The following FIP1L1 variants were observed in gnomAD, a reference collection of about 807,000 sequenced individuals.
FIP1L1 encodes pre-mRNA 3'-end-processing factor FIP1.
In FIP1L1, 21 loss-of-function variants were observed where a neutral mutation model predicts 84.6. The observed-to-expected ratio is 0.25, with a 90% CI of 0.18 to 0.36. The LOEUF is 0.36. Ranked by LOEUF, FIP1L1 falls within the 10% of genes least tolerant of loss-of-function variation. The pLI is 1.00. For missense variants in FIP1L1, 526 were observed against 751.1 expected (o/e 0.70, Z 3.50); for synonymous variants, 263 against 242.3 (o/e 1.09, Z -0.80).
At chr4:53,415,100 C>T (rs1264809739) in intron 11 of FIP1L1, among the ~76,000 whole-genome samples, 1 of 152,038 alleles carries the variant, frequency 6.6e-6, no homozygotes, top group East Asian at 1.9e-4. Context: ...TATTTAGGAC[C>T]CGTAAAATTT....
intron 4 of FIP1L1, 126 bp downstream of exon 4, chr4:53,382,461 C>A: frequency 1.5e-6 from 1 of 672,244 alleles, no homozygotes; most frequent in Non-Finnish European, 2.6e-6. Context: ...CCCTTTCTTA[C>A]ATCTCCTACT....
At chr4:53,398,514 C>T (rs1253422442) in intron 9 of FIP1L1, among the ~76,000 whole-genome samples, 6 of 152,128 alleles carry the variant, frequency 3.9e-5, no homozygotes, top group African/African-American at 1.4e-4. Context: ...TCAAATATAT[C>T]AGTCAAAATG....
In FIP1L1 at chr4:53,382,295, G is replaced by A; in HGVS notation, c.188G>A (p.Gly63Glu). Residue 63 changes from glycine to glutamate, a missense_variant, in exon 4 of 18, where the codon GGA (glycine) becomes GAA (glutamate). By Grantham distance (98) the Gly-to-Glu change is moderately conservative (BLOSUM62 -2). Around this residue, in one of 6 missense-constraint regions of FIP1L1, gnomAD observed 100 missense variants for 107.2 expected, o/e 0.93. Transcript: ENST00000337488. ...GTTTGTAGTGCTAATCCTCCATCTG[G>A]AATTGAAGATGAAACTGCTGAAAAT... ...EENASANPPS[G>E]IEDETAENGV... The A allele has an allele frequency of 6.2e-7, 1 of 1,613,464 alleles. No homozygotes were observed. The highest frequency in any genetic ancestry group is 8.5e-7 in the Non-Finnish European group (1 of 1,179,496).
chr4:53,391,395 T>C, intron 8 of FIP1L1, 35 bp from the exon 9 acceptor site: 1 of 1,544,486 alleles, frequency 6.5e-7, no homozygotes, highest in South Asian at 1.1e-5. Flanking sequence ...AAATATTATG[T>C]GGTATCTTAA....
intron 13 of FIP1L1, among the ~76,000 whole-genome samples, chr4:53,428,994 A>G (rs1421894317): frequency 6.6e-5 from 10 of 152,224 alleles, no homozygotes. Flanking sequence ...TTTATACTAG[A>G]GAGCCATGTA....
intron 5 of FIP1L1, among the ~76,000 whole-genome samples, chr4:53,385,714 T>C (rs1459563358): frequency 6.6e-6 from 1 of 152,156 alleles, no homozygotes; most frequent in African/African-American, 2.4e-5. Context: ...GAATGCTCAT[T>C]TACCCATCAC....
intron 10 of FIP1L1, among the ~76,000 whole-genome samples, chr4:53,411,451 C>T (rs1449413180): frequency 2.0e-5 from 3 of 151,962 alleles, no homozygotes; most frequent in Admixed American, 6.6e-5. Context: ...GGATACTTTG[C>T]AGTCATTGTG....
Position 53,450,498 on chromosome 4 carries a change from C to T in FIP1L1, c.1286-2422C>T, listed in dbSNP as rs146113665. Among the ~76,000 whole-genome samples, 12 of 152,208 alleles carry T rather than the reference C, an allele frequency of 7.9e-5. No individual in the cohort carries two copies. In the East Asian group the frequency reaches 2.1e-3, roughly 27 times the overall value. ...TTATGGGCAGTATCCTATGTGATGT[C>T]CATTACATCAACCATGCTAAGAACA... On this transcript the variant is annotated intron_variant, in intron 15 of 17. Transcript: ENST00000337488.
At chr4:53,425,174 G>A (rs1174938929) in intron 11 of FIP1L1, among the ~76,000 whole-genome samples, 1 of 152,038 alleles carries the variant, frequency 6.6e-6, no homozygotes, top group African/African-American at 2.4e-5. Context: ...CTTTTGTAAA[G>A]TCCTTTATCT....
chr4:53,434,085 G>C (rs1004305907), intron 13 of FIP1L1, among the ~76,000 whole-genome samples: 26 of 151,904 alleles, frequency 1.7e-4, no homozygotes, highest in African/African-American at 6.3e-4. Context: ...AAAACTTTTT[G>C]GTTACGTCTT....
At chr4:53,382,482 C>A in intron 4 of FIP1L1, 147 bp downstream of exon 4, 2 of 609,720 alleles carry the variant, frequency 3.3e-6, no homozygotes, top group Non-Finnish European at 5.9e-6. Context: ...TCATCTGGTG[C>A]CATCAAAAAC....
intron 13 of FIP1L1, among the ~76,000 whole-genome samples, chr4:53,436,307 C>T (rs919391524): frequency 6.6e-6 from 1 of 152,178 alleles, no homozygotes; most frequent in African/African-American, 2.4e-5. Flanking sequence ...CAGTCTTCTC[C>T]AAAAGCCTGA....
At chr4:53,405,231 AGCC>A (rs1334341607) in intron 10 of FIP1L1, among the ~76,000 whole-genome samples, 4 of 152,078 alleles carry the variant, frequency 2.6e-5, no homozygotes, top group Non-Finnish European at 5.9e-5. Flanking sequence ...ACATATGGCT[AGCC>A]AGTTTTCCCA....
At chr4:53,438,882 G>A (rs757438677) in intron 13 of FIP1L1, among the ~76,000 whole-genome samples, 1 of 152,064 alleles carries the variant, frequency 6.6e-6, no homozygotes, top group Non-Finnish European at 1.5e-5. Flanking sequence ...GCTGTAGTAA[G>A]CCTTAGCTAA....
chr4:53,389,683 A>G (rs2149366507), intron 5 of FIP1L1, 126 bp from the exon 6 acceptor site: 1 of 691,766 alleles, frequency 1.4e-6, no homozygotes, highest in East Asian at 3.0e-5. Context: ...AGATAGAAAT[A>G]AAATGTGTGT....
chr4:53,378,962 C>A, intron 1 of FIP1L1, 111 bp from the exon 2 acceptor site: 4 of 1,025,784 alleles, frequency 3.9e-6, no homozygotes, highest in East Asian at 2.5e-5. Context: ...ATCTTCATTA[C>A]CTCTTAAATT....
chr4:53,401,764 T>C (rs1002075869), intron 10 of FIP1L1, among the ~76,000 whole-genome samples: 1 of 152,120 alleles, frequency 6.6e-6, no homozygotes, highest in Non-Finnish European at 1.5e-5. Flanking sequence ...AAGAGTTCAG[T>C]GTAGAATATA....
chr4:53,453,857 G>C (rs1398772206), intron 16 of FIP1L1, among the ~76,000 whole-genome samples: 1 of 152,122 alleles, frequency 6.6e-6, no homozygotes, highest in East Asian at 1.9e-4. Context: ...ACACTATAGT[G>C]ATTTTCCAAA....
intron 14 of FIP1L1, among the ~76,000 whole-genome samples, chr4:53,443,393 T>A (rs1053361009): frequency 6.6e-6 from 1 of 152,158 alleles, no homozygotes; most frequent in African/African-American, 2.4e-5. Context: ...CAAGTATAAT[T>A]CTTGGCAGAT....
Sources: allele counts gnomAD v4.1 joint callset (sites outside exome capture counted in the v4.1 genomes callset), GRCh38; gene constraint gnomAD v4.1.1; regional missense constraint gnomAD v4.1.1; transcripts MANE v1.5; gene names NCBI Gene and HGNC (gene_info 2026-07-23, HGNC 2026-07-21).